DPY19L1: variants seen among roughly 807,000 people sequenced by gnomAD.
DPY19L1 encodes dpy-19 like C-mannosyltransferase 1, also known as protein C-mannosyl-transferase DPY19L1.
Under a neutral mutation model 96.9 loss-of-function variants are expected in DPY19L1, and 35 were observed. The observed-to-expected ratio is 0.36, with a 90% CI of 0.28 to 0.48. The LOEUF is 0.48. Ranked by LOEUF, DPY19L1 falls within the 20% of genes least tolerant of loss-of-function variation. DPY19L1 has a pLI of 0.99. For missense variants in DPY19L1, 521 were observed against 777.9 expected (o/e 0.67, Z 3.93); for synonymous variants, 205 against 252.6 (o/e 0.81, Z 1.79).
At chr7:34,941,678 A>T in intron 18 of DPY19L1, 87 bp downstream of exon 18, 1 of 1,231,332 alleles carries the variant, frequency 8.1e-7, no homozygotes, top group Non-Finnish European at 1.2e-6. Context: ...TAATCACTTA[A>T]AAGACTTTGT....
chr7:34,963,711 C>CGT (rs370121293), intron 10 of DPY19L1, among the ~76,000 whole-genome samples: 30 of 137,200 alleles, frequency 2.2e-4, no homozygotes, highest in Non-Finnish European at 3.5e-4. Context: ...TGTGTGTGTG[C>CGT]GTGTGTGTGT....
intron 21 of DPY19L1, among the ~76,000 whole-genome samples, chr7:34,937,047 G>A (rs941555762): frequency 5.3e-5 from 8 of 152,188 alleles, no homozygotes; most frequent in Non-Finnish European, 1.2e-4. Context: ...TCTTCATGAA[G>A]TGAATGTTTT....
At chr7:34,986,501 A>C (rs1014326026) in intron 7 of DPY19L1, among the ~76,000 whole-genome samples, 9 of 152,192 alleles carry the variant, frequency 5.9e-5, no homozygotes, top group African/African-American at 2.2e-4. Context: ...CCTTGAGCCA[A>C]TCACTTAATG....
chr7:35,017,338 AC>A (rs1156810757), intron 3 of DPY19L1, among the ~76,000 whole-genome samples: 1 of 151,108 alleles, frequency 6.6e-6, no homozygotes, highest in Non-Finnish European at 1.5e-5. Flanking sequence ...CTAAAAAAAT[AC>A]AAAAAATTAG....
chr7:35,023,833 C>CTTTTCTT (rs1554363473), intron 1 of DPY19L1, among the ~76,000 whole-genome samples: 13 of 111,796 alleles, frequency 1.2e-4, no homozygotes, highest in Admixed American at 5.1e-4. Context: ...CTTTTCTTTT[C>CTTTTCTT]TTTTTTTTTT....
chr7:34,981,012 G>T, intron 7 of DPY19L1, among the ~76,000 whole-genome samples: 1 of 152,184 alleles, frequency 6.6e-6, no homozygotes, highest in Middle Eastern at 3.2e-3. Flanking sequence ...TTGAAGGATG[G>T]GGAGGGATAC....
chr7:34,949,018 G>A (rs915574612), intron 14 of DPY19L1, among the ~76,000 whole-genome samples: 14 of 152,292 alleles, frequency 9.2e-5, no homozygotes, highest in African/African-American at 3.4e-4. Context: ...ATAGAGTATT[G>A]TTGGCCAGTT....
At chr7:34,949,603 A>G (rs540843412) in intron 14 of DPY19L1, among the ~76,000 whole-genome samples, 194 bp downstream of exon 14, 7 of 152,332 alleles carry the variant, frequency 4.6e-5, no homozygotes, top group South Asian at 4.1e-4. Context: ...CTAAATTATC[A>G]AAATGAGTAA....
intron 19 of DPY19L1, 69 bp downstream of exon 19, chr7:34,940,084 A>G (rs1173324397): frequency 1.5e-5 from 20 of 1,344,008 alleles, no homozygotes; most frequent in Non-Finnish European, 1.9e-5. Flanking sequence ...AAGAGTTTGC[A>G]GTGGTATATA....
At chr7:35,031,566 C>T (rs181883198) in intron 1 of DPY19L1, among the ~76,000 whole-genome samples, 1 of 152,290 alleles carries the variant, frequency 6.6e-6, no homozygotes, top group East Asian at 1.9e-4. Flanking sequence ...TAAGTATTTA[C>T]AATGCATAAC....
In DPY19L1 at chr7:34,998,620, G is replaced by A. The variant is rs142603398; in HGVS notation, c.765-8679C>T. Among the ~76,000 whole-genome samples, 81 of 152,302 alleles carry A rather than the reference G, an allele frequency of 5.3e-4. No homozygotes were observed. The East Asian group carries it at 0.014, about 26-fold the overall frequency. On this transcript the variant is annotated intron_variant, in intron 6 of 21. Coordinates refer to ENST00000638088, the MANE Select transcript of DPY19L1 (RefSeq NM_001366673.1). The stretch of plus-strand genomic sequence containing the variant: ...TCTGGCCACAGGCAGAAGCAGCTGA[G>A]GCTGGTAAACGAAAAAGCAACAAGA...
intron 6 of DPY19L1, among the ~76,000 whole-genome samples, chr7:34,996,645 T>G (rs868109872): frequency 6.6e-6 from 1 of 151,754 alleles, no homozygotes; most frequent in Non-Finnish European, 1.5e-5. Context: ...CACTGCAGAG[T>G]GTGTTGTCTT....
At chr7:34,982,318 A>G (rs1784956008) in intron 7 of DPY19L1, among the ~76,000 whole-genome samples, 1 of 152,222 alleles carries the variant, frequency 6.6e-6, no homozygotes, top group African/African-American at 2.4e-5. Context: ...TAGGCAATAT[A>G]TACTGAAGTA....
At position 34,947,851 on chromosome 7, in the gene DPY19L1, C is replaced by T. The variant is rs1317099134; in HGVS notation, c.1423-150G>A. 2.9e-5 allele frequency: 19 copies of T among 653,036 alleles called. No individual in the cohort carries two copies. The East Asian group carries it at 4.9e-4, about 17-fold the overall frequency. The allele number at this position is 653,036 out of a possible 1,614,324, so 40.5% of individuals were successfully genotyped here. A position where few individuals can be genotyped will look rare whatever the true frequency, so the allele number is the denominator to read the frequency against. On this transcript the variant is annotated intron_variant, in intron 14 of 21. Coordinates refer to ENST00000638088, the MANE Select transcript of DPY19L1 (RefSeq NM_001366673.1). ...GACTGCCATCATAAAAAGGAAGGTG[C>T]ATTTCCATAGAAATGAACTTCCCCA...
At chr7:35,016,014 T>C (rs913905370) in intron 3 of DPY19L1, among the ~76,000 whole-genome samples, 19 of 152,332 alleles carry the variant, frequency 1.2e-4, no homozygotes, top group African/African-American at 4.1e-4. Context: ...AAAAAAAATC[T>C]AATCTTGTTT....
At chr7:35,037,834 C>T (rs1263195213), upstream of DPY19L1, 9 of 1,231,042 alleles carry the variant, frequency 7.3e-6, no homozygotes, top group East Asian at 6.3e-5. Flanking sequence ...GGCGCCCGCG[C>T]GGGGCTCGGC....
At chr7:35,011,217 A>G in intron 5 of DPY19L1, 113 bp downstream of exon 5, 1 of 1,258,054 alleles carries the variant, frequency 7.9e-7, no homozygotes. Flanking sequence ...CTATATATGC[A>G]TAATAAAATG....
chr7:34,959,907 ATATATATATATATATATT>A (rs1367403939), intron 10 of DPY19L1, among the ~76,000 whole-genome samples: 2 of 37,398 alleles, frequency 5.3e-5, no homozygotes, highest in African/African-American at 3.0e-4. Context: ...AAATATATAT[ATATATATATATATATATT>A]TATATATATA....
At chr7:35,005,970 G>C (rs1233711264) in intron 6 of DPY19L1, among the ~76,000 whole-genome samples, 3 of 152,150 alleles carry the variant, frequency 2.0e-5, no homozygotes, top group Non-Finnish European at 4.4e-5. Flanking sequence ...TACCTACAAA[G>C]GAATGAGCCT....
Sources: allele counts gnomAD v4.1 joint callset (sites outside exome capture counted in the v4.1 genomes callset), GRCh38; gene constraint gnomAD v4.1.1; transcripts MANE v1.5; gene names NCBI Gene and HGNC (gene_info 2026-07-23, HGNC 2026-07-21).